Variants in PCDHGB1 observed in about 807,000 individuals in gnomAD.
The protein encoded by PCDHGB1 is protocadherin gamma-B1.
In PCDHGB1, 34 loss-of-function variants were observed where a neutral mutation model predicts 56.6. The ratio of observed to expected loss-of-function variants is 0.60; its 90% CI spans 0.46 to 0.80. The LOEUF (loss-of-function observed/expected upper bound fraction) is 0.80, where lower values mean the gene tolerates loss of function less well. PCDHGB1 is among the 30% of genes least tolerant of loss of function. PCDHGB1 has a pLI of 0.00. For synonymous variants in PCDHGB1, 561 were observed against 505.9 expected (o/e 1.11, Z -1.46); for missense variants, 1,278 against 1,204.6 (o/e 1.06, Z -0.90).
chr5:141,365,776 C>T (rs764374830), intron 1 of PCDHGB1: 6 of 1,613,892 alleles, frequency 3.7e-6, no homozygotes, highest in South Asian at 1.1e-5. Flanking sequence ...CCGACAGCGG[C>T]GACAACGCTC....
intron 1 of PCDHGB1, chr5:141,361,582 C>T (rs746722919): frequency 3.1e-6 from 5 of 1,614,022 alleles, no homozygotes; most frequent in Non-Finnish European, 8.5e-7. Context: ...TGACTTGGGC[C>T]CCAGTGGCCA....
At chr5:141,502,140 G>A (rs534984161) in intron 2 of PCDHGB1, among the ~76,000 whole-genome samples, 1 of 152,268 alleles carries the variant, frequency 6.6e-6, no homozygotes, top group South Asian at 2.1e-4. Context: ...CAGTCGGGCC[G>A]GAAGTAAGGA....
chr5:141,509,233 AG>A (rs1204393769), intron 3 of PCDHGB1, among the ~76,000 whole-genome samples: 1 of 152,104 alleles, frequency 6.6e-6, no homozygotes, highest in Non-Finnish European at 1.5e-5. Context: ...TTGATGTCCC[AG>A]GATTACTCAG....
intron 1 of PCDHGB1, chr5:141,366,871 G>C: frequency 1.4e-6 from 2 of 1,404,144 alleles, no homozygotes; most frequent in African/African-American, 1.4e-5. Flanking sequence ...TGCTGTATTG[G>C]AGATTAATTT....
intron 1 of PCDHGB1, chr5:141,362,347 G>T: frequency 6.2e-7 from 1 of 1,614,042 alleles, no homozygotes; most frequent in Non-Finnish European, 8.5e-7. Context: ...GCCTGGACCT[G>T]GGGTTCTCCC....
At position 141,487,667 on chromosome 5, in the gene PCDHGB1, ATATGGCTAGGCCATG is replaced by A; in HGVS notation, c.2410-7138_2410-7124del. 1.9e-6 allele frequency: 3 copies of A among 1,612,782 alleles called. No individual in the cohort carries two copies. In the South Asian group the frequency reaches 3.3e-5, roughly 18 times the overall value. ...GCTTGAGGGTTATTCTGATCCAGGC[ATATGGCTAGGCCATG>A]TCCTAGAGAGTACTGGCCTCTCAGT... On this transcript the variant is annotated intron_variant, in intron 1 of 3. Transcript: ENST00000523390. The surrounding 1 kb of genome is among the most constrained non-coding windows in gnomAD (Gnocchi z 5.0).
chr5:141,388,426 T>A, intron 1 of PCDHGB1: 1 of 1,613,864 alleles, frequency 6.2e-7, no homozygotes, highest in Non-Finnish European at 8.5e-7. Flanking sequence ...TTCTCACTGA[T>A]AAATAAAGAG....
intron 1 of PCDHGB1, among the ~76,000 whole-genome samples, chr5:141,358,249 C>A (rs1467054319): frequency 2.0e-5 from 3 of 152,134 alleles, no homozygotes; most frequent in African/African-American, 4.8e-5. Flanking sequence ...CTTAGGTGTT[C>A]CTGAAAAGAT....
intron 1 of PCDHGB1, chr5:141,357,380 C>T: frequency 6.2e-7 from 1 of 1,614,194 alleles, no homozygotes; most frequent in South Asian, 1.1e-5. Context: ...CTGCTTCACG[C>T]TGAAGGCAGC....
intron 1 of PCDHGB1, chr5:141,360,202 T>C (rs779702690): frequency 1.2e-6 from 2 of 1,612,846 alleles, no homozygotes; most frequent in Non-Finnish European, 1.7e-6. Context: ...CTTCCTGTTG[T>C]CTTTGTTCCC....
intron 1 of PCDHGB1, chr5:141,389,630 T>G: frequency 6.2e-7 from 1 of 1,612,990 alleles, no homozygotes; most frequent in South Asian, 1.1e-5. Context: ...CTGCAGAGCC[T>G]GGCTACTTGG....
intron 1 of PCDHGB1, among the ~76,000 whole-genome samples, chr5:141,483,631 T>C (rs973545851): frequency 2.7e-5 from 4 of 149,022 alleles, no homozygotes; most frequent in African/African-American, 1.0e-4. Flanking sequence ...TGGGAGAAGG[T>C]ATAGAGGGGT....
Position 141,490,711 on chromosome 5 carries a change from T to C in PCDHGB1, c.2410-4096T>C. ...CACTGGGGATAATGCCCGCCTCACC[T>C]ACTCCATTGTAGGAAATCAGGTTCA... On this transcript the variant is annotated intron_variant, in intron 1 of 3. Transcript: ENST00000523390. The surrounding 1 kb of genome is among the most constrained non-coding windows in gnomAD (Gnocchi z 5.4). The C allele has an allele frequency of 6.2e-7, 1 of 1,614,200 alleles. No individual in the cohort carries two copies. Among genetic ancestry groups the C allele is most frequent in the Non-Finnish European group, 8.5e-7 (1 of 1,180,002 alleles).
chr5:141,422,272 A>T, intron 1 of PCDHGB1: 13 of 1,561,362 alleles, frequency 8.3e-6, no homozygotes, highest in Non-Finnish European at 1.1e-5. Context: ...TCCAGAAATA[A>T]CTATCACCTC....
At chr5:141,404,479 A>C in intron 1 of PCDHGB1, 1 of 1,613,750 alleles carries the variant, frequency 6.2e-7, no homozygotes, top group South Asian at 1.1e-5. Context: ...CTATTAACTC[A>C]GACACTGGTG....
chr5:141,352,189 TG>T lies in PCDHGB1; in HGVS notation c.1930del (p.Asp644MetfsTer15), dbSNP rs1341737316. On this transcript the variant is annotated frameshift_variant, in exon 1 of 4. Coordinates refer to ENST00000523390, the MANE Select transcript of PCDHGB1 (RefSeq NM_018922.3). LOFTEE classifies it high-confidence loss of function. ...GCCAGCGCCTGCTGGTCGCTGTGCG[TG>T]ATGGAGGACAGCCGCCACTCTCCGC... ...ARQRLLVAVR[D>X]GGQPPLSATA... 1.2e-6 allele frequency: 2 copies of T among 1,613,696 alleles called. No homozygotes were observed. Among genetic ancestry groups the T allele is most frequent in the African/African-American group, 2.7e-5 (2 of 74,926 alleles).
chr5:141,408,918 C>G, intron 1 of PCDHGB1: 1 of 1,613,408 alleles, frequency 6.2e-7, no homozygotes, highest in Non-Finnish European at 8.5e-7. Flanking sequence ...AATGATAACC[C>G]CCCGGTTTTC....
chr5:141,383,198 C>A, intron 1 of PCDHGB1: 1 of 1,614,016 alleles, frequency 6.2e-7, no homozygotes, highest in Non-Finnish European at 8.5e-7. Flanking sequence ...GCTCAGAGTG[C>A]GCGGTGTCTG....
intron 1 of PCDHGB1, chr5:141,413,221 G>A (rs1384304697): frequency 1.2e-6 from 2 of 1,613,452 alleles, no homozygotes; most frequent in East Asian, 2.2e-5. Flanking sequence ...GGATTGCAGC[G>A]GGCTGGTCCT....
Sources: allele counts gnomAD v4.1 joint callset (sites outside exome capture counted in the v4.1 genomes callset), GRCh38; gene constraint gnomAD v4.1.1; non-coding constraint Gnocchi (gnomAD v3.1); transcripts MANE v1.5; gene names NCBI Gene and HGNC (gene_info 2026-07-23, HGNC 2026-07-21).